GLI3: variants seen among roughly 807,000 people sequenced by gnomAD.
GLI3 encodes GLI family zinc finger 3.
In GLI3, 20 loss-of-function variants were observed where a neutral mutation model predicts 100.8. That is an observed-to-expected ratio of 0.20 (90% confidence interval 0.14 to 0.29). The LOEUF (loss-of-function observed/expected upper bound fraction) is 0.29. Ranked by LOEUF, GLI3 falls within the 10% of genes least tolerant of loss-of-function variation. The probability of loss-of-function intolerance (pLI) is 1.00; values close to 1 mark genes in which losing one functional copy is unlikely to be tolerated. For synonymous variants in GLI3, 938 were observed against 860.5 expected (o/e 1.09, Z -1.58); for missense variants, 2,040 against 2,128.5 (o/e 0.96, Z 0.82).
chr7:42,141,627 G>A (rs370845575), intron 3 of GLI3, among the ~76,000 whole-genome samples: 64 of 152,152 alleles, frequency 4.2e-4, no homozygotes, highest in African/African-American at 1.3e-3. Flanking sequence ...AGCCAAGATC[G>A]CACCACTGCA....
chr7:42,250,370 TTAAC>T (rs1413362490), intron 1 of GLI3, among the ~76,000 whole-genome samples: 1 of 152,148 alleles, frequency 6.6e-6, no homozygotes, highest in Non-Finnish European at 1.5e-5. Flanking sequence ...ACTTGGGTGA[TTAAC>T]TAAGGCAAGA....
chr7:42,145,804 C>T (rs1408865988), intron 3 of GLI3, among the ~76,000 whole-genome samples: 1 of 152,152 alleles, frequency 6.6e-6, no homozygotes, highest in Non-Finnish European at 1.5e-5. Context: ...TACCTTAATA[C>T]ATTTGAGGCA....
chr7:42,190,290 G>A (rs1787801468), intron 2 of GLI3, among the ~76,000 whole-genome samples: 1 of 152,134 alleles, frequency 6.6e-6, no homozygotes, highest in Non-Finnish European at 1.5e-5. Flanking sequence ...CTGTTTAGAG[G>A]ATGGGGAACA....
intron 2 of GLI3, among the ~76,000 whole-genome samples, chr7:42,188,799 A>C (rs149589543): frequency 6.6e-6 from 1 of 152,216 alleles, no homozygotes; most frequent in South Asian, 2.1e-4. Flanking sequence ...AAAACTGTGG[A>C]GATCACTGTT....
Position 41,965,001 on chromosome 7 carries a change from G to C in GLI3, c.4072C>G (p.Gln1358Glu). The C allele has an allele frequency of 6.2e-7, 1 of 1,613,836 alleles. No individual in the cohort carries two copies. Among genetic ancestry groups the C allele is most frequent in the Non-Finnish European group, 8.5e-7 (1 of 1,180,018 alleles). The change falls in exon 15 of 15, where the codon CAA (glutamine) becomes GAA (glutamate). Residue 1358 changes from glutamine (Q) to glutamate (E), a missense_variant. Transcript: ENST00000395925. ...CCTGGCAGGCAGCTCTCTGGCCCTT[G>C]GTAGATGTTGATGTGTGAGGTAGCA... ...ISATSHINIY[Q>E]GPESCLPGAH...
intron 2 of GLI3, among the ~76,000 whole-genome samples, chr7:42,158,977 G>A (rs921220632): frequency 2.0e-5 from 3 of 152,124 alleles, no homozygotes; most frequent in African/African-American, 4.8e-5. Flanking sequence ...TGTTACTTTT[G>A]TCAAGCTCAG....
chr7:42,012,973 A>G (rs1788661046), intron 10 of GLI3, among the ~76,000 whole-genome samples: 1 of 152,230 alleles, frequency 6.6e-6, no homozygotes, highest in African/African-American at 2.4e-5. Context: ...GTGCTGAAGC[A>G]CAAGGGAGAG....
intron 2 of GLI3, among the ~76,000 whole-genome samples, chr7:42,183,000 C>G (rs931924408): frequency 6.6e-6 from 1 of 151,974 alleles, no homozygotes; most frequent in African/African-American, 2.4e-5. Context: ...GTGGGCAGAT[C>G]ACTTGAGGCC....
chr7:42,086,577 G>A (rs1275133116), intron 3 of GLI3, among the ~76,000 whole-genome samples: 3 of 152,082 alleles, frequency 2.0e-5, no homozygotes, highest in Admixed American at 6.5e-5. Flanking sequence ...CCATCCGAGA[G>A]TCAGTGCCCC....
In GLI3 at chr7:41,964,628, G is replaced by A. The variant is rs779851650; in HGVS notation, c.4445C>T (p.Pro1482Leu). ...TSAKNSELLS[P>L]GANQVTSTVD... ...TGTGCTTGTCACCTGATTAGCACCT[G>A]GGGAAAGTAACTCAGAGTTTTTGGC... Residue 1482 changes from proline (P) to leucine (L), a missense_variant, in exon 15 of 15, where the codon CCA (proline) becomes CTA (leucine). Transcript: ENST00000395925. 1 of 1,613,682 alleles carries A rather than the reference G, an allele frequency of 6.2e-7. No individual in the cohort carries two copies. Among genetic ancestry groups the A allele is most frequent in the Non-Finnish European group, 8.5e-7 (1 of 1,179,560 alleles).
chr7:42,001,416 T>C (rs1209102977), intron 10 of GLI3, among the ~76,000 whole-genome samples: 1 of 152,096 alleles, frequency 6.6e-6, no homozygotes, highest in Non-Finnish European at 1.5e-5. Flanking sequence ...CTGCAAGACA[T>C]AGTGGCATAA....
chr7:42,260,002 G>A (rs1789122914), intron 1 of GLI3, among the ~76,000 whole-genome samples: 1 of 152,154 alleles, frequency 6.6e-6, no homozygotes, highest in Admixed American at 6.5e-5. Flanking sequence ...TTCTGTGTAT[G>A]TACAAAACAA....
At chr7:42,155,728 G>A (rs1339996162) in intron 2 of GLI3, among the ~76,000 whole-genome samples, 3 of 152,184 alleles carry the variant, frequency 2.0e-5, no homozygotes, top group South Asian at 4.1e-4. Flanking sequence ...AGAGCAAGAT[G>A]AGAATTCAGA....
intron 2 of GLI3, among the ~76,000 whole-genome samples, chr7:42,166,632 C>A (rs1467542532): frequency 1.3e-5 from 2 of 148,564 alleles, no homozygotes; most frequent in Non-Finnish European, 3.0e-5. Flanking sequence ...CAGCATTCTG[C>A]CAGCCTGGTT....
chr7:42,014,209 C>T (rs1788694913), intron 10 of GLI3, among the ~76,000 whole-genome samples: 2 of 152,142 alleles, frequency 1.3e-5, no homozygotes, highest in Non-Finnish European at 2.9e-5. Context: ...TCATCAAAAG[C>T]ATTTAATTAT....
At chr7:42,109,881 A>G (rs532092850) in intron 3 of GLI3, among the ~76,000 whole-genome samples, 1 of 152,346 alleles carries the variant, frequency 6.6e-6, no homozygotes, top group Non-Finnish European at 1.5e-5. Context: ...GCCTGACAGG[A>G]AGGAACACTG....
intron 3 of GLI3, among the ~76,000 whole-genome samples, chr7:42,138,683 CAGA>C (rs912746677): frequency 3.9e-5 from 6 of 152,296 alleles, no homozygotes; most frequent in East Asian, 3.9e-4. Flanking sequence ...GAAAGCAAAC[CAGA>C]AGAAGAGCTG....
chr7:42,040,924 C>T (rs1583501778), intron 6 of GLI3, among the ~76,000 whole-genome samples: 1 of 152,232 alleles, frequency 6.6e-6, no homozygotes, highest in East Asian at 1.9e-4. Flanking sequence ...TCTAAGAATG[C>T]TGCAGAACAC....
At chr7:42,158,102 A>T (rs1395883034) in intron 2 of GLI3, among the ~76,000 whole-genome samples, 1 of 152,244 alleles carries the variant, frequency 6.6e-6, no homozygotes, top group Non-Finnish European at 1.5e-5. Context: ...TCCCTCCCTG[A>T]AAACTTGTTA....
Sources: allele counts gnomAD v4.1 joint callset (sites outside exome capture counted in the v4.1 genomes callset), GRCh38; gene constraint gnomAD v4.1.1; transcripts MANE v1.5; gene names NCBI Gene and HGNC (gene_info 2026-07-23, HGNC 2026-07-21).